The following SGCD variants were observed in gnomAD, a reference collection of about 807,000 sequenced individuals.
SGCD encodes delta-sarcoglycan.
In SGCD, 18 loss-of-function variants were observed where a neutral mutation model predicts 36.6. The observed-to-expected ratio is 0.49, with a 90% CI of 0.34 to 0.73. SGCD has a LOEUF of 0.73. SGCD is among the 30% of genes least tolerant of loss of function. The pLI is 0.01. For missense variants in SGCD, 387 were observed against 346.7 expected (o/e 1.12, Z -0.92); for synonymous variants, 133 against 130.6 (o/e 1.02, Z -0.12).
intron 3 of SGCD, among the ~76,000 whole-genome samples, chr5:156,166,533 G>A (rs1214495683): frequency 6.6e-6 from 1 of 152,134 alleles, no homozygotes; most frequent in Admixed American, 6.5e-5. Flanking sequence ...TGTTAGCCAG[G>A]GTGGTCTTGA....
intron 3 of SGCD, among the ~76,000 whole-genome samples, chr5:156,134,881 G>GC (rs200918175): frequency 0.035 from 5,319 of 152,212 alleles, 297 homozygotes; most frequent in African/African-American, 0.12. Flanking sequence ...TTCACTGGAG[G>GC]CTTGACTGGA....
At chr5:156,416,371 G>T (rs1430298623) in intron 3 of SGCD, among the ~76,000 whole-genome samples, 1 of 152,132 alleles carries the variant, frequency 6.6e-6, no homozygotes, top group Non-Finnish European at 1.5e-5. Context: ...TGGGGGAAAG[G>T]GTGGAGGTGG....
At chr5:155,796,996 T>A in the SGCD span, among the ~76,000 whole-genome samples, 1 of 151,958 alleles carries the variant, frequency 6.6e-6, no homozygotes, top group African/African-American at 2.4e-5. Context: ...TTTACAAAGA[T>A]TAATAAATTT....
At chr5:155,960,351 C>T (rs1251513057) in intron 1 of SGCD, among the ~76,000 whole-genome samples, 8 of 152,030 alleles carry the variant, frequency 5.3e-5, no homozygotes, top group African/African-American at 1.9e-4. Flanking sequence ...GGGTTGCTCA[C>T]CCACATCATG....
chr5:156,111,349 T>C (rs1761781353), intron 1 of SGCD, among the ~76,000 whole-genome samples: 1 of 152,142 alleles, frequency 6.6e-6, no homozygotes, highest in East Asian at 1.9e-4. Context: ...AGGGGCCAGG[T>C]CTCAGATGAC....
At chr5:156,423,341 TATATTATA>T (rs1773483981) in intron 3 of SGCD, among the ~76,000 whole-genome samples, 1 of 14,024 alleles carries the variant, frequency 7.1e-5, no homozygotes, top group African/African-American at 6.0e-4. Context: ...TATAATATAA[TATATTATA>T]ATTTTATTAT....
intron 2 of SGCD, among the ~76,000 whole-genome samples, chr5:156,120,237 G>A (rs1762004456): frequency 6.6e-6 from 1 of 152,108 alleles, no homozygotes; most frequent in Non-Finnish European, 1.5e-5. Context: ...GGGAAATAAA[G>A]CAGAAAGAGG....
chr5:156,670,718 G>A (rs1251098208), intron 7 of SGCD, among the ~76,000 whole-genome samples: 4 of 152,114 alleles, frequency 2.6e-5, no homozygotes, highest in Non-Finnish European at 4.4e-5. Context: ...ACTTTCCATG[G>A]TTTATTAGAC....
At chr5:155,912,424 A>G (rs1369486326) in intron 1 of SGCD, among the ~76,000 whole-genome samples, 1 of 152,152 alleles carries the variant, frequency 6.6e-6, no homozygotes, top group Non-Finnish European at 1.5e-5. Flanking sequence ...TTTTTCTTTT[A>G]ATGATTTGTG....
rs570662055 is a variant in SGCD, at chr5:156,007,796, T to G, written c.-281-110082T>G. ...AAAAACAAACAAACAAACAAAAAGC[T>G]ATCCAGATGTTGGGAATAAGGCAAA... is the stretch of plus-strand genomic sequence containing the variant. On this transcript the variant is annotated intron_variant, in intron 1 of 9. Transcript: ENST00000517913. Among the ~76,000 whole-genome samples the G allele has an allele frequency of 3.9e-5, 6 of 152,316 alleles. No individual in the cohort carries two copies. In the East Asian group the frequency reaches 1.2e-3, roughly 29 times the overall value.
intron 1 of SGCD, among the ~76,000 whole-genome samples, chr5:156,069,895 G>A (rs1238177387): frequency 1.3e-5 from 2 of 152,012 alleles, no homozygotes; most frequent in Non-Finnish European, 2.9e-5. Context: ...TGAAGCAATT[G>A]TGAATGGGAG....
chr5:156,103,680 T>C (rs573940567), intron 1 of SGCD, among the ~76,000 whole-genome samples: 1 of 152,228 alleles, frequency 6.6e-6, no homozygotes, highest in African/African-American at 2.4e-5. Context: ...ATGAATCATA[T>C]ATGAAGTGTT....
chr5:156,458,637 A>G (rs1445235077), intron 3 of SGCD: 2 of 629,294 alleles, frequency 3.2e-6, no homozygotes, highest in East Asian at 2.7e-5. Context: ...TACAATATTC[A>G]TGCAGATATT....
At chr5:155,901,643 AG>A (rs946396428) in intron 1 of SGCD, among the ~76,000 whole-genome samples, 29 of 152,208 alleles carry the variant, frequency 1.9e-4, no homozygotes, top group African/African-American at 4.6e-4. Flanking sequence ...AAGAAAAAAA[AG>A]TTACCTTTAG....
rs1014726923 is a variant in SGCD at position 156,766,782 on chromosome 5, C to T, written c.*7392C>T. 3 of 151,826 alleles carry T rather than the reference C, an allele frequency of 2.0e-5. No homozygotes were observed. The South Asian group carries it at 6.2e-4, about 32-fold the overall frequency. 9.4% of individuals were successfully genotyped at this position (151,826 alleles called of 1,614,324 possible). ...AGGGATCATGCAAAAAGATTAGAAA[C>T]CATAATGCCCTTGTTAAAGCCCTGC... On this transcript the variant is annotated 3_prime_UTR_variant, in exon 9 of 9. Coordinates refer to ENST00000337851, the MANE Select transcript of SGCD (RefSeq NM_000337.6).
chr5:156,729,399 C>T (rs1393634075), intron 7 of SGCD, among the ~76,000 whole-genome samples: 1 of 152,164 alleles, frequency 6.6e-6, no homozygotes, highest in Non-Finnish European at 1.5e-5. Flanking sequence ...ATACTTCTAA[C>T]AGTGGCTTAA....
rs759345867 is a variant in SGCD, at chr5:156,512,191, CAAA to C, written c.294+3509_294+3511del. The stretch of plus-strand genomic sequence containing the variant: ...CCTGGATGACAGTGAGACTCTGTCT[CAAA>C]AAAAAAAAAAAAAAAAAAAGGAACA... On this transcript the variant is annotated intron_variant, in intron 4 of 8. Coordinates refer to ENST00000337851, the MANE Select transcript of SGCD (RefSeq NM_000337.6). Among the ~76,000 whole-genome samples, 7 of 66,874 alleles carry C rather than the reference CAAA, an allele frequency of 1.0e-4. No individual in the cohort carries two copies. In the South Asian group the frequency reaches 1.8e-3, roughly 17 times the overall value. The allele number at this position is 66,874 out of a possible 152,430, so 43.9% of individuals were successfully genotyped here. A position where few individuals can be genotyped will look rare whatever the true frequency, so the allele number is the denominator to read the frequency against.
intron 7 of SGCD, chr5:156,704,051 C>T (rs1429196304): frequency 2.0e-5 from 3 of 152,088 alleles, no homozygotes; most frequent in Admixed American, 2.0e-4. Context: ...TGGAAGGTAA[C>T]ATTTGGCTCA....
chr5:155,787,894 A>G, the SGCD span, among the ~76,000 whole-genome samples: 3 of 152,134 alleles, frequency 2.0e-5, no homozygotes, highest in Admixed American at 6.6e-5. Context: ...CTTTTGCCTA[A>G]AGCTTTTATA....
Sources: allele counts gnomAD v4.1 joint callset (sites outside exome capture counted in the v4.1 genomes callset), GRCh38; gene constraint gnomAD v4.1.1; transcripts MANE v1.5; gene names NCBI Gene and HGNC (gene_info 2026-07-23, HGNC 2026-07-21).